QTMAN: variants seen among roughly 807,000 people sequenced by gnomAD.
QTMAN encodes the protein queuosine-tRNA mannosyltransferase.
At chr2:144,289,589 G>A in the QTMAN span, among the ~76,000 whole-genome samples, 7 of 152,286 alleles carry the variant, frequency 4.6e-5, no homozygotes, top group South Asian at 1.2e-3. Context: ...AGGGCCGGGG[G>A]AGAAAATAGC....
the QTMAN span, among the ~76,000 whole-genome samples, chr2:144,226,765 G>A: frequency 6.6e-6 from 1 of 152,132 alleles, no homozygotes; most frequent in Admixed American, 6.5e-5. Context: ...ATGGGAGATA[G>A]TAGACAGTTG....
the QTMAN span, among the ~76,000 whole-genome samples, chr2:143,986,381 A>G: frequency 3.9e-5 from 6 of 152,252 alleles, no homozygotes; most frequent in Admixed American, 1.3e-4. Flanking sequence ...AGATATTGGA[A>G]TACGTTCATA....
the QTMAN span, among the ~76,000 whole-genome samples, chr2:144,033,760 A>G: frequency 6.6e-6 from 1 of 152,202 alleles, no homozygotes; most frequent in Non-Finnish European, 1.5e-5. Flanking sequence ...TCACATGGGC[A>G]TGAACCTAAA....
the QTMAN span, chr2:143,963,899 C>T: frequency 6.6e-6 from 1 of 151,984 alleles, no homozygotes; most frequent in Non-Finnish European, 1.5e-5. Flanking sequence ...ATCATATTCT[C>T]GGGAAAGTAA....
At chr2:144,091,642 A>G in the QTMAN span, among the ~76,000 whole-genome samples, 1 of 152,184 alleles carries the variant, frequency 6.6e-6, no homozygotes, top group African/African-American at 2.4e-5. Flanking sequence ...AAAAATAAAG[A>G]CACAAATCTA....
the QTMAN span, chr2:144,006,299 T>C: frequency 6.6e-6 from 1 of 152,120 alleles, no homozygotes; most frequent in Non-Finnish European, 1.5e-5. Flanking sequence ...AGAGTTTTAA[T>C]GTGCTGGAAG....
the QTMAN span, among the ~76,000 whole-genome samples, chr2:144,282,033 G>A: frequency 1.3e-5 from 2 of 152,118 alleles, no homozygotes; most frequent in Non-Finnish European, 2.9e-5. Context: ...TCCTTACTCT[G>A]AGTTTCTATT....
the QTMAN span, among the ~76,000 whole-genome samples, chr2:144,115,543 A>G: frequency 6.6e-6 from 1 of 152,258 alleles, no homozygotes; most frequent in African/African-American, 2.4e-5. Flanking sequence ...ATGATCCACC[A>G]GGACATCGCT....
the QTMAN span, chr2:143,952,872 A>T: frequency 7.3e-7 from 1 of 1,373,734 alleles, no homozygotes; most frequent in Non-Finnish European, 1.0e-6. Flanking sequence ...GAGGGTAAGA[A>T]TATATTAAAA....
At chr2:144,280,346 C>T in the QTMAN span, among the ~76,000 whole-genome samples, 1 of 152,098 alleles carries the variant, frequency 6.6e-6, no homozygotes. Flanking sequence ...GGTTCCAAAC[C>T]ACATGTGCTG....
the QTMAN span, among the ~76,000 whole-genome samples, chr2:144,250,370 C>T: frequency 7.6e-4 from 115 of 152,112 alleles, no homozygotes; most frequent in African/African-American, 2.7e-3. Context: ...TCTTGCACTC[C>T]TGAACTCATG....
At chr2:143,959,749 T>C in the QTMAN span, among the ~76,000 whole-genome samples, 2 of 150,994 alleles carry the variant, frequency 1.3e-5, no homozygotes, top group South Asian at 4.1e-4. Flanking sequence ...GGTTATAAAA[T>C]ATTTTTTTGG....
At chr2:144,219,287 T>C in the QTMAN span, among the ~76,000 whole-genome samples, 5 of 152,032 alleles carry the variant, frequency 3.3e-5, no homozygotes, top group African/African-American at 4.8e-5. Context: ...CGCACCACCA[T>C]GCTTGGCTAA....
the QTMAN span, among the ~76,000 whole-genome samples, chr2:144,237,653 T>A: frequency 6.6e-6 from 1 of 152,166 alleles, no homozygotes; most frequent in African/African-American, 2.4e-5. Flanking sequence ...CAACTTGTGC[T>A]GTCAAAGAAA....
the QTMAN span, among the ~76,000 whole-genome samples, chr2:144,228,419 T>C: frequency 6.6e-6 from 1 of 152,216 alleles, no homozygotes; most frequent in Non-Finnish European, 1.5e-5. Flanking sequence ...ATTTGTTGCA[T>C]AGTTATTACA....
chr2:144,032,027 C>T, the QTMAN span, among the ~76,000 whole-genome samples: 1 of 152,152 alleles, frequency 6.6e-6, no homozygotes, highest in African/African-American at 2.4e-5. Flanking sequence ...TCATGATCTG[C>T]CCACCTCAGC....
the QTMAN span, among the ~76,000 whole-genome samples, chr2:144,019,117 G>GGA: frequency 6.6e-6 from 1 of 152,198 alleles, no homozygotes; most frequent in African/African-American, 2.4e-5. Context: ...AAATAAGCAG[G>GGA]GAGAGGCCTT....
At chr2:144,005,257 TCTTA>T in the QTMAN span, among the ~76,000 whole-genome samples, 1 of 152,136 alleles carries the variant, frequency 6.6e-6, no homozygotes, top group Non-Finnish European at 1.5e-5. Flanking sequence ...TTTCTCTTTT[TCTTA>T]CTCTTTTGAT....
the QTMAN span, among the ~76,000 whole-genome samples, chr2:144,005,036 C>T: frequency 3.3e-5 from 5 of 151,954 alleles, no homozygotes; most frequent in Admixed American, 6.6e-5. Context: ...TTATGCTGTG[C>T]TCTCTGTACA....
Sources: gnomAD v4.1 joint callset for allele counts (sites outside exome capture counted in the v4.1 genomes callset) on GRCh38, gnomAD v4.1.1 for gene constraint, MANE v1.5 for transcripts, NCBI Gene and HGNC (gene_info 2026-07-23, HGNC 2026-07-21) for gene names.